The following NELL1 variants were observed in gnomAD, a reference collection of about 807,000 sequenced individuals.
NELL1 encodes the protein neural EGFL like 1.
A neutral mutation model predicts 107.4 loss-of-function variants in NELL1; 76 were observed. That is an observed-to-expected ratio of 0.71 (90% CI 0.59 to 0.86). The LOEUF is 0.86. NELL1 is among the 40% of genes least tolerant of loss of function. The probability of loss-of-function intolerance (pLI) is 0.00; values close to 1 mark genes in which losing one functional copy is unlikely to be tolerated. For synonymous variants in NELL1, 353 were observed against 341.2 expected (o/e 1.03, Z -0.38); for missense variants, 1,024 against 1,005.5 (o/e 1.02, Z -0.25).
intron 15 of NELL1, among the ~76,000 whole-genome samples, chr11:21,447,342 G>C (rs1421562539): frequency 1.3e-5 from 2 of 152,022 alleles, no homozygotes; most frequent in African/African-American, 4.8e-5. Context: ...AAGCAGAAAG[G>C]GTTTCTCTCT....
intron 11 of NELL1, among the ~76,000 whole-genome samples, chr11:20,958,956 A>G (rs1851234130): frequency 6.6e-6 from 1 of 152,200 alleles, no homozygotes; most frequent in African/African-American, 2.4e-5. Context: ...AATGAGTCAC[A>G]CAAATTATTT....
chr11:20,671,073 T>A (rs1853894736), intron 1 of NELL1: 1 of 152,292 alleles, frequency 6.6e-6, no homozygotes, highest in Admixed American at 6.5e-5. Context: ...TTTCGTCTGG[T>A]TAAGAATGTT....
intron 11 of NELL1, among the ~76,000 whole-genome samples, chr11:20,956,347 T>C (rs1851170790): frequency 4.0e-5 from 6 of 151,878 alleles, no homozygotes; most frequent in Admixed American, 3.9e-4. Flanking sequence ...GAACACAGTT[T>C]AAAAATTACT....
At chr11:21,116,843 C>T (rs1346567681) in intron 13 of NELL1, among the ~76,000 whole-genome samples, 1 of 151,974 alleles carries the variant, frequency 6.6e-6, no homozygotes, top group Non-Finnish European at 1.5e-5. Flanking sequence ...CATCATAACC[C>T]ATTCTTCACA....
At chr11:20,946,893 G>A (rs1214891195) in intron 10 of NELL1, among the ~76,000 whole-genome samples, 3 of 152,144 alleles carry the variant, frequency 2.0e-5, no homozygotes, top group African/African-American at 7.2e-5. Flanking sequence ...TTATCCAGGG[G>A]CATGCCAGAG....
intron 14 of NELL1, among the ~76,000 whole-genome samples, chr11:21,231,803 T>A (rs1383984817): frequency 4.6e-5 from 7 of 152,140 alleles, no homozygotes; most frequent in East Asian, 1.9e-4. Context: ...GGAAAATAAT[T>A]TTCTTAAAGT....
At chr11:20,745,322 T>G (rs75438015) in intron 2 of NELL1, among the ~76,000 whole-genome samples, 5,323 of 152,264 alleles carry the variant, frequency 0.035, 302 homozygotes, top group African/African-American at 0.12. Flanking sequence ...TCACCACACA[T>G]GGTAGAATTA....
At position 21,232,601 on chromosome 11, in the gene NELL1, C is replaced by T. The variant is rs1002888450; in HGVS notation, c.1549+3147C>T. 4.6e-5 allele frequency among the ~76,000 whole-genome samples: 7 copies of T among 152,300 alleles called. No individual in the cohort carries two copies. The East Asian group carries it at 1.2e-3, about 25-fold the overall frequency. On this transcript the variant is annotated intron_variant, in intron 14 of 19. Coordinates refer to ENST00000357134, the MANE Select transcript of NELL1 (RefSeq NM_006157.5). ...TGCCACCTTGTAACTGAAACATTTA[C>T]AGTGGGAGTTGGACAAGAATAACCA...
rs1413857742 is a variant in NELL1, at chr11:20,925,677, T to C, written c.760-1631T>C. Among the ~76,000 whole-genome samples the C allele has an allele frequency of 2.0e-5, 3 of 152,172 alleles. No homozygotes were observed. The East Asian group carries it at 5.8e-4, about 29-fold the overall frequency. On this transcript the variant is annotated intron_variant, in intron 7 of 19. Coordinates refer to ENST00000357134, the MANE Select transcript of NELL1 (RefSeq NM_006157.5). ...AGCTAATATTTCAGGCAGCGTCAAC[T>C]CTTAGTTCTTTAGGGGCTGCTCATG... is the stretch of plus-strand genomic sequence containing the variant.
intron 14 of NELL1, among the ~76,000 whole-genome samples, chr11:21,358,853 G>A (rs1851007692): frequency 1.3e-5 from 2 of 152,034 alleles, no homozygotes; most frequent in Admixed American, 1.3e-4. Context: ...AAACTTGACT[G>A]AACTCATTTA....
chr11:21,190,664 G>A (rs1240597655), intron 13 of NELL1, among the ~76,000 whole-genome samples: 2 of 151,810 alleles, frequency 1.3e-5, no homozygotes, highest in Admixed American at 1.3e-4. Context: ...ACTAAATACA[G>A]GATGCTCAGG....
Position 20,870,328 on chromosome 11 carries a change from CT to C in NELL1, c.507-15114del, listed in dbSNP as rs1248140968. 4.6e-5 allele frequency among the ~76,000 whole-genome samples: 7 copies of C among 152,080 alleles called. 1 individual carries two copies. The highest frequency in any genetic ancestry group is 1.7e-4 in the African/African-American group (7 of 41,484). On this transcript the variant is annotated intron_variant, in intron 4 of 19. Coordinates refer to ENST00000357134, the MANE Select transcript of NELL1 (RefSeq NM_006157.5). ...GTCTCACTACTATGCAGTTTTTTTC[CT>C]TCTTCGAATTCTCTCACCTTTTTAA...
At chr11:20,717,510 ATTTAC>A (rs1397732951) in intron 2 of NELL1, among the ~76,000 whole-genome samples, 2 of 152,224 alleles carry the variant, frequency 1.3e-5, no homozygotes, top group South Asian at 2.1e-4. Context: ...TAGAGGTTCT[ATTTAC>A]AAATGGGAAA....
At position 20,669,607 on chromosome 11, in the gene NELL1, T is replaced by G; in HGVS notation, c.-117T>G. Reference sequence around the variant, plus strand: ...CAGCACCCGGCGCTGCCGAGCCACCTCCCCCGCCGCCCGCTAGCAAGTTTG... The same window carrying G: ...CAGCACCCGGCGCTGCCGAGCCACCGCCCCCGCCGCCCGCTAGCAAGTTTG... On this transcript the variant is annotated 5_prime_UTR_variant, in exon 1 of 20. Coordinates refer to ENST00000357134, the MANE Select transcript of NELL1 (RefSeq NM_006157.5). The surrounding 1 kb of genome is among the most constrained non-coding windows in gnomAD (Gnocchi z 4.4). The G allele has an allele frequency of 3.6e-6, 3 of 838,858 alleles. No individual in the cohort carries two copies. Among genetic ancestry groups the G allele is most frequent in the East Asian group, 3.0e-5 (1 of 33,620 alleles). 52.0% of individuals were successfully genotyped at this position (838,858 alleles called of 1,614,324 possible).
chr11:20,816,565 T>C (rs913275830), intron 3 of NELL1, among the ~76,000 whole-genome samples: 2 of 152,208 alleles, frequency 1.3e-5, no homozygotes, highest in African/African-American at 4.8e-5. Context: ...TAGGGATTTC[T>C]AGGTATGGAA....
intron 12 of NELL1, among the ~76,000 whole-genome samples, chr11:20,985,080 A>C (rs12575438): frequency 0.11 from 17,077 of 152,168 alleles, 1,170 homozygotes; most frequent in East Asian, 0.26. Context: ...TTACAGAATG[A>C]TTAAACTGGG....
intron 4 of NELL1, among the ~76,000 whole-genome samples, chr11:20,849,420 C>A (rs755162972): frequency 6.6e-6 from 1 of 152,170 alleles, no homozygotes; most frequent in Non-Finnish European, 1.5e-5. Context: ...CTCTGCATAT[C>A]AATGGCAGCT....
At chr11:21,162,184 C>T (rs1856387663) in intron 13 of NELL1, among the ~76,000 whole-genome samples, 1 of 152,122 alleles carries the variant, frequency 6.6e-6, no homozygotes, top group Non-Finnish European at 1.5e-5. Flanking sequence ...CCCCTGACCT[C>T]ATGATCTGCC....
intron 4 of NELL1, among the ~76,000 whole-genome samples, chr11:20,864,156 G>A (rs1366926335): frequency 1.3e-5 from 2 of 151,922 alleles, no homozygotes; most frequent in South Asian, 2.1e-4. Flanking sequence ...TTTTTATTTC[G>A]AGAGTCATTT....
Sources: allele counts gnomAD v4.1 joint callset (sites outside exome capture counted in the v4.1 genomes callset), GRCh38; gene constraint gnomAD v4.1.1; non-coding constraint Gnocchi (gnomAD v3.1); transcripts MANE v1.5; gene names NCBI Gene and HGNC (gene_info 2026-07-23, HGNC 2026-07-21).